The following UBASH3B variants were observed in gnomAD, a reference collection of about 807,000 sequenced individuals.
The protein encoded by UBASH3B is ubiquitin-associated and SH3 domain-containing protein B.
In UBASH3B, 37 loss-of-function variants were observed where a neutral mutation model predicts 83.4. The observed-to-expected ratio is 0.44, with a 90% CI of 0.34 to 0.58. The LOEUF is 0.58. UBASH3B is among the 20% of genes least tolerant of loss of function. The pLI is 0.01. For missense variants in UBASH3B, 657 were observed against 827.2 expected (o/e 0.79, Z 2.52); for synonymous variants, 304 against 318.3 (o/e 0.96, Z 0.48).
intron 9 of UBASH3B, among the ~76,000 whole-genome samples, chr11:122,798,584 G>A (rs1219187381): frequency 3.3e-5 from 5 of 151,890 alleles, no homozygotes; most frequent in South Asian, 2.1e-4. Context: ...GGTGGTGCGC[G>A]CCTGTACTCC....
At chr11:122,762,640 G>A (rs769523329) in intron 1 of UBASH3B, among the ~76,000 whole-genome samples, 15 of 152,152 alleles carry the variant, frequency 9.9e-5, no homozygotes, top group Non-Finnish European at 2.1e-4. Flanking sequence ...CGTCATGTGC[G>A]CTCTTCAGTA....
intron 1 of UBASH3B, among the ~76,000 whole-genome samples, chr11:122,740,151 C>T (rs181673719): frequency 9.9e-4 from 150 of 152,248 alleles, no homozygotes; most frequent in Admixed American, 2.4e-3. Flanking sequence ...CAGTTCTACA[C>T]GCTGAAGGAT....
At chr11:122,710,219 C>G (rs1242221675) in intron 1 of UBASH3B, among the ~76,000 whole-genome samples, 1 of 150,354 alleles carries the variant, frequency 6.7e-6, no homozygotes, top group Non-Finnish European at 1.5e-5. Context: ...ACAACATGGT[C>G]TAGCTTCTAG....
At chr11:122,785,726 T>G (rs1349440775) in intron 5 of UBASH3B, among the ~76,000 whole-genome samples, 1 of 152,228 alleles carries the variant, frequency 6.6e-6, no homozygotes, top group Non-Finnish European at 1.5e-5. Context: ...TTTGACAACT[T>G]ATATAAATCT....
intron 5 of UBASH3B, among the ~76,000 whole-genome samples, chr11:122,788,681 C>T (rs1202920503): frequency 6.8e-6 from 1 of 147,418 alleles, no homozygotes; most frequent in Non-Finnish European, 1.5e-5. Context: ...CCCTCTGTAA[C>T]CCCCGTATGG....
intron 1 of UBASH3B, among the ~76,000 whole-genome samples, chr11:122,744,792 G>A (rs574923453): frequency 1.3e-5 from 2 of 152,334 alleles, no homozygotes; most frequent in South Asian, 4.1e-4. Flanking sequence ...GTGATCATGT[G>A]TGTGACTGTG....
At chr11:122,794,228 C>T (rs7932385) in intron 6 of UBASH3B, among the ~76,000 whole-genome samples, 34,361 of 151,994 alleles carry the variant, frequency 0.23, 4,231 homozygotes, top group Middle Eastern at 0.46. Flanking sequence ...CTTTTTGAGA[C>T]GGGGTTTCGC....
intron 1 of UBASH3B, among the ~76,000 whole-genome samples, chr11:122,693,057 C>A (rs1863915752): frequency 6.6e-6 from 1 of 151,824 alleles, no homozygotes; most frequent in African/African-American, 2.4e-5. Context: ...GTGGATCTCA[C>A]AAAGTACATT....
At chr11:122,798,913 G>A in intron 9 of UBASH3B, 29 bp from the exon 10 acceptor site, 1 of 1,603,980 alleles carries the variant, frequency 6.2e-7, no homozygotes, top group Non-Finnish European at 8.5e-7. Flanking sequence ...AAATCCATCA[G>A]ACTGATTTTT....
intron 1 of UBASH3B, among the ~76,000 whole-genome samples, chr11:122,697,641 C>G (rs1322594507): frequency 6.6e-6 from 1 of 152,206 alleles, no homozygotes; most frequent in African/African-American, 2.4e-5. Context: ...CTCCCTCACA[C>G]TTGTTTCCAT....
chr11:122,681,404 C>T (rs1863736604), intron 1 of UBASH3B, among the ~76,000 whole-genome samples: 1 of 152,150 alleles, frequency 6.6e-6, no homozygotes, highest in Non-Finnish European at 1.5e-5. Context: ...GTTTTGCCTT[C>T]TTGTACCTCT....
At chr11:122,712,744 C>T (rs1161325203) in intron 1 of UBASH3B, among the ~76,000 whole-genome samples, 1 of 152,034 alleles carries the variant, frequency 6.6e-6, no homozygotes, top group African/African-American at 2.4e-5. Flanking sequence ...TATAGAACTC[C>T]ACTACCAAGT....
intron 1 of UBASH3B, among the ~76,000 whole-genome samples, chr11:122,664,689 C>T (rs1863490500): frequency 6.6e-6 from 1 of 152,216 alleles, no homozygotes; most frequent in African/African-American, 2.4e-5. Flanking sequence ...TGCAGTCATG[C>T]TCTTTGCCAC....
chr11:122,773,877 GA>G (rs1349521771), intron 1 of UBASH3B: 1 of 691,928 alleles, frequency 1.4e-6, no homozygotes, highest in Non-Finnish European at 1.8e-6. Context: ...GAAGGGTGTA[GA>G]AAAAAAGAAA....
intron 7 of UBASH3B, 118 bp from the exon 8 acceptor site, chr11:122,796,038 C>T: frequency 5.2e-6 from 7 of 1,342,932 alleles, no homozygotes; most frequent in Non-Finnish European, 7.3e-6. Flanking sequence ...TTACTGTCCT[C>T]ACCAAGTCAT....
intron 1 of UBASH3B, among the ~76,000 whole-genome samples, chr11:122,718,503 C>G (rs1159324293): frequency 2.0e-5 from 3 of 152,124 alleles, no homozygotes; most frequent in Non-Finnish European, 2.9e-5. Flanking sequence ...GCTTTGAACA[C>G]TGGCTTCTTG....
rs1861342737 is a variant in UBASH3B at position 122,806,550 on chromosome 11, T to TA, written c.1702+35dup. ...TATTATTCTGAACTCCATCTGTACA[T>TA]ACGTGATTATTTCTCTATAATGGTT... On this transcript the variant is annotated intron_variant, in intron 12 of 13. Coordinates refer to ENST00000284273, the MANE Select transcript of UBASH3B (RefSeq NM_032873.5). This position sits in a 1 kb window ranked among gnomAD's most constrained non-coding sequence, Gnocchi z 4.0. The TA allele has an allele frequency of 6.5e-7, 1 of 1,536,424 alleles. No homozygotes were observed. Among genetic ancestry groups the TA allele is most frequent in the Non-Finnish European group, 8.7e-7 (1 of 1,150,482 alleles).
chr11:122,734,705 C>G (rs1380683008), intron 1 of UBASH3B, among the ~76,000 whole-genome samples: 1 of 151,656 alleles, frequency 6.6e-6, no homozygotes, highest in East Asian at 1.9e-4. Context: ...TAAGGCAATT[C>G]CAGTAGAGTG....
chr11:122,659,922 C>T (rs1478967311), intron 1 of UBASH3B, among the ~76,000 whole-genome samples: 60 of 152,130 alleles, frequency 3.9e-4, no homozygotes, highest in Admixed American at 3.9e-3. Context: ...GGTGGGCTGG[C>T]AGAGAGGGTT....
Sources: gnomAD v4.1 joint callset for allele counts (sites outside exome capture counted in the v4.1 genomes callset) on GRCh38, gnomAD v4.1.1 for gene constraint, Gnocchi (gnomAD v3.1) non-coding constraint, MANE v1.5 for transcripts, NCBI Gene and HGNC (gene_info 2026-07-23, HGNC 2026-07-21) for gene names.